The following GPM6A variants were observed in gnomAD, a reference collection of about 807,000 sequenced individuals.
The protein encoded by GPM6A is neuronal membrane glycoprotein M6-a.
In GPM6A, 7 loss-of-function variants were observed where a neutral mutation model predicts 32.1. That is an observed-to-expected ratio of 0.22 (90% CI 0.12 to 0.41). The LOEUF (loss-of-function observed/expected upper bound fraction) is 0.41. Ranked by LOEUF, GPM6A falls within the 10% of genes least tolerant of loss-of-function variation. The pLI is 1.00. For synonymous variants in GPM6A, 130 were observed against 123.4 expected (o/e 1.05, Z -0.35); for missense variants, 235 against 347.2 (o/e 0.68, Z 2.57).
intron 1 of GPM6A, among the ~76,000 whole-genome samples, chr4:175,788,267 A>G (rs1020178348): frequency 6.6e-5 from 10 of 152,194 alleles, no homozygotes; most frequent in African/African-American, 2.4e-4. Context: ...TAAAGAATAA[A>G]CAAAGGAGGA....
chr4:175,640,303 G>A lies in GPM6A; in HGVS notation c.619-109C>T, dbSNP rs142961119. 6.2e-3 allele frequency: 5,159 copies of A among 831,154 alleles called. 83 individuals carry two copies. Among genetic ancestry groups the A allele is most frequent in the South Asian group, 0.034 (2,324 of 68,496 alleles). 51.5% of individuals were successfully genotyped at this position (831,154 alleles called of 1,614,324 possible). ...GACTTTGTACATCTTAAATAAAAGC[G>A]AGCCTGTGATAAATCACCCACCTGA... On this transcript the variant is annotated intron_variant, in intron 5 of 6. Transcript: ENST00000393658.
intron 1 of GPM6A, among the ~76,000 whole-genome samples, chr4:175,943,429 G>T (rs1677684384): frequency 6.6e-6 from 1 of 152,130 alleles, no homozygotes; most frequent in Non-Finnish European, 1.5e-5. Flanking sequence ...GAATAGGAGT[G>T]GTGTGAGAGG....
At chr4:175,796,356 A>C (rs1210893815) in intron 1 of GPM6A, among the ~76,000 whole-genome samples, 2 of 152,200 alleles carry the variant, frequency 1.3e-5, no homozygotes, top group African/African-American at 4.8e-5. Flanking sequence ...GATGAATAAA[A>C]ATCTGTTTTT....
intron 4 of GPM6A, chr4:175,642,010 G>T (rs1560846150): frequency 6.6e-6 from 1 of 152,000 alleles, no homozygotes; most frequent in Non-Finnish European, 1.5e-5. Context: ...GTTTTAATAT[G>T]TATATGTATT....
chr4:175,693,314 T>TATATATAATATACATATATA (rs1744401042), intron 2 of GPM6A, among the ~76,000 whole-genome samples: 6 of 148,750 alleles, frequency 4.0e-5, no homozygotes, highest in Non-Finnish European at 5.9e-5. Context: ...TATACATATA[T>TATATATAATATACATATATA]AAGTATATAT....
In GPM6A at chr4:175,640,783, C is replaced by A. The variant is rs1160388832; in HGVS notation, c.588G>T (p.Glu196Asp). The A allele has an allele frequency of 2.5e-6, 4 of 1,610,302 alleles. No individual in the cohort carries two copies. The highest frequency in any genetic ancestry group is 3.4e-6 in the Non-Finnish European group (4 of 1,177,146). Residue 196 changes from glutamate (E) to aspartate (D), a missense_variant, in exon 5 of 7, where the codon GAG (glutamate) becomes GAT (aspartate). By Grantham distance (45) the Glu-to-Asp change is conservative (BLOSUM62 2). Coordinates refer to ENST00000393658, the MANE Select transcript of GPM6A (RefSeq NM_201591.3). ...GEEKKICTVS[E>D]NFLRMCESTE... ...TAGATTCGCACATCCTCAAGAAATT[C>A]TCAGAGACAGTACAAATTTTCTTTT... is the stretch of plus-strand genomic sequence containing the variant.
chr4:175,838,977 T>C (rs1006096277), intron 1 of GPM6A, among the ~76,000 whole-genome samples: 3 of 152,124 alleles, frequency 2.0e-5, no homozygotes, highest in Non-Finnish European at 4.4e-5. Flanking sequence ...AATTTTAATC[T>C]ATATATGATA....
At chr4:175,756,747 C>A (rs1413550533) in intron 1 of GPM6A, among the ~76,000 whole-genome samples, 1 of 152,008 alleles carries the variant, frequency 6.6e-6, no homozygotes, top group African/African-American at 2.4e-5. Context: ...ATAATATATG[C>A]AATCATTAAT....
At chr4:175,706,506 T>C (rs1229201880) in intron 1 of GPM6A, among the ~76,000 whole-genome samples, 1 of 152,200 alleles carries the variant, frequency 6.6e-6, no homozygotes. Context: ...AGATTTACAA[T>C]AGACTGACAA....
intron 1 of GPM6A, among the ~76,000 whole-genome samples, chr4:175,855,177 C>T (rs1736380054): frequency 6.6e-6 from 1 of 152,060 alleles, no homozygotes; most frequent in Non-Finnish European, 1.5e-5. Context: ...AATTACTATG[C>T]ATACAATGAA....
intron 1 of GPM6A, among the ~76,000 whole-genome samples, chr4:175,786,283 G>C (rs1000223203): frequency 2.0e-5 from 3 of 147,114 alleles, no homozygotes; most frequent in Non-Finnish European, 4.5e-5. Flanking sequence ...GGTCAGGAAA[G>C]GTTTTTTGTT....
At chr4:175,794,478 C>T (rs893723724) in intron 1 of GPM6A, among the ~76,000 whole-genome samples, 16 of 152,308 alleles carry the variant, frequency 1.1e-4, no homozygotes, top group Admixed American at 4.6e-4. Context: ...TGTTTATTCA[C>T]TCAGTATTTA....
intron 1 of GPM6A, among the ~76,000 whole-genome samples, chr4:175,762,009 G>C (rs749584145): frequency 3.9e-5 from 6 of 152,090 alleles, no homozygotes; most frequent in Non-Finnish European, 5.9e-5. Context: ...GGTCAGGCTG[G>C]TCTCGAACTC....
chr4:175,648,715 C>A lies in GPM6A; in HGVS notation c.541+3119G>T, dbSNP rs1197901019. Among the ~76,000 whole-genome samples, 3 of 152,154 alleles carry A rather than the reference C, an allele frequency of 2.0e-5. No individual in the cohort carries two copies. The East Asian group carries it at 5.8e-4, about 29-fold the overall frequency. ...CACCCACATGCCTTGGCTCTTGGCCCCTTTTCTCCATCTTTAAAGCCAGCA... is the reference window on the plus strand; with the variant it reads ...CACCCACATGCCTTGGCTCTTGGCCACTTTTCTCCATCTTTAAAGCCAGCA... On this transcript the variant is annotated intron_variant, in intron 4 of 6. Coordinates refer to ENST00000393658, the MANE Select transcript of GPM6A (RefSeq NM_201591.3).
At chr4:175,796,471 T>G (rs950557861) in intron 1 of GPM6A, among the ~76,000 whole-genome samples, 1 of 152,166 alleles carries the variant, frequency 6.6e-6, no homozygotes, top group Non-Finnish European at 1.5e-5. Flanking sequence ...GAAAATTAAG[T>G]CTCTTGATCA....
intron 1 of GPM6A, among the ~76,000 whole-genome samples, chr4:175,821,668 TA>T (rs1560951228): frequency 1.3e-5 from 2 of 152,038 alleles, no homozygotes; most frequent in Admixed American, 6.5e-5. Flanking sequence ...GAGCTTTGCA[TA>T]TTTTTTTTTG....
chr4:175,732,006 G>A lies in GPM6A; in HGVS notation c.38-30239C>T, dbSNP rs146144835. ...TTTCGTGACAGAGTGTTGCTCTGTC[G>A]CCCAGGCTGGAGTGCAGTGGCTCAA... On this transcript the variant is annotated intron_variant, in intron 1 of 6. Transcript: ENST00000393658. Among the ~76,000 whole-genome samples the A allele has an allele frequency of 7.6e-4, 101 of 132,480 alleles. No homozygotes were observed. The East Asian group carries it at 0.017, about 22-fold the overall frequency. 86.9% of individuals were successfully genotyped at this position (132,480 alleles called of 152,430 possible).
At chr4:175,663,641 C>T (rs1393886892) in intron 3 of GPM6A, among the ~76,000 whole-genome samples, 2 of 151,736 alleles carry the variant, frequency 1.3e-5, no homozygotes, top group African/African-American at 4.8e-5. Context: ...TAAATATATA[C>T]AACTTTTACT....
chr4:175,960,046 T>C (rs1740117543), intron 1 of GPM6A, among the ~76,000 whole-genome samples: 1 of 152,184 alleles, frequency 6.6e-6, no homozygotes. Flanking sequence ...AAATTAACCA[T>C]GGTTACATCG....
Sources: gnomAD v4.1 joint callset for allele counts (sites outside exome capture counted in the v4.1 genomes callset) on GRCh38, gnomAD v4.1.1 for gene constraint, MANE v1.5 for transcripts, NCBI Gene and HGNC (gene_info 2026-07-23, HGNC 2026-07-21) for gene names.